Variants in CACNA1H observed in about 807,000 individuals in gnomAD.
CACNA1H encodes the protein voltage-dependent T-type calcium channel subunit alpha-1H.
In CACNA1H, 149 loss-of-function variants were observed where a neutral mutation model predicts 192.5. The observed-to-expected ratio is 0.77, with a 90% CI of 0.68 to 0.89. The LOEUF (loss-of-function observed/expected upper bound fraction) is 0.89, where lower values mean the gene tolerates loss of function less well. Among genes scored for constraint, CACNA1H ranks in the 40% least tolerant of loss-of-function variants. The pLI is 0.00. For synonymous variants in CACNA1H, 2,202 were observed against 1,475.2 expected, an observed-to-expected ratio of 1.49 and a Z score of -11.29; for missense variants, 4,257 against 3,423.5, an observed-to-expected ratio of 1.24 and a Z score of -6.08.
chr16:1,213,960 AG>A, intron 27 of CACNA1H, 29 bp downstream of exon 27: 1 of 1,582,572 alleles, frequency 6.3e-7, no homozygotes. Context: ...CGAGGGGCCC[AG>A]GGGCTGGGGC....
At chr16:1,175,909 C>T (rs141863089) in intron 2 of CACNA1H, among the ~76,000 whole-genome samples, 3 of 152,276 alleles carry the variant, frequency 2.0e-5, no homozygotes, top group South Asian at 2.1e-4. Context: ...CCCGGACCCC[C>T]AGTGCAGGCT....
chr16:1,154,950 A>C (rs949202570), intron 2 of CACNA1H, among the ~76,000 whole-genome samples: 7 of 152,112 alleles, frequency 4.6e-5, no homozygotes, highest in Non-Finnish European at 1.0e-4. Flanking sequence ...CTGAGCCGGC[A>C]GCTGGGGTGG....
rs766109928 is a variant in CACNA1H at position 1,220,995 on chromosome 16, C to T, written c.*1C>T. The T allele has an allele frequency of 7.0e-6, 11 of 1,566,204 alleles. No homozygotes were observed. The highest frequency in any genetic ancestry group is 4.8e-5 in the South Asian group (4 of 84,168). On this transcript the variant is annotated 3_prime_UTR_variant, in exon 35 of 35. Transcript: ENST00000348261. ...GGGTGGTGCAGATGACCCCGTGTAG[C>T]TCGGGGCTTGGTGCCGCCCACGGCT... is the stretch of plus-strand genomic sequence containing the variant.
chr16:1,199,568 C>G (rs916127580), intron 6 of CACNA1H, among the ~76,000 whole-genome samples: 2 of 151,136 alleles, frequency 1.3e-5, no homozygotes, highest in Non-Finnish European at 3.0e-5. Context: ...ACTTCATCCC[C>G]TCCCCACACC....
Position 1,200,431 on chromosome 16 carries a change from G to A in CACNA1H, c.979G>A (p.Ala327Thr). 1 of 1,610,434 alleles carries A rather than the reference G, an allele frequency of 6.2e-7. No homozygotes were observed. Among genetic ancestry groups the A allele is most frequent in the Non-Finnish European group, 8.5e-7 (1 of 1,179,458 alleles). ...CTGGGAGGCCTACACGCAGCCGCAG[G>A]CCGAGGGGGTGGGCGCTGCACGCAA... ...LGWEAYTQPQ[A>T]EGVGAARNAC... Residue 327 changes from alanine (A) to threonine (T), a missense_variant, in exon 7 of 35, where the codon GCC becomes ACC. By Grantham distance (58) the Ala-to-Thr change is moderately conservative (BLOSUM62 0). Transcript: ENST00000348261.
chr16:1,176,512 C>T (rs1361843814), intron 2 of CACNA1H, among the ~76,000 whole-genome samples: 1 of 152,240 alleles, frequency 6.6e-6, no homozygotes. Flanking sequence ...CTGAGGAGGC[C>T]TGGGGCCAGT....
chr16:1,166,876 C>T (rs1031288680), intron 2 of CACNA1H, among the ~76,000 whole-genome samples: 11 of 152,154 alleles, frequency 7.2e-5, no homozygotes, highest in Admixed American at 5.9e-4. Flanking sequence ...ATGGCGCTGC[C>T]GGGCCGTCCC....
chr16:1,160,597 C>T (rs1963065507), intron 2 of CACNA1H, among the ~76,000 whole-genome samples: 1 of 152,220 alleles, frequency 6.6e-6, no homozygotes, highest in Admixed American at 6.5e-5. Flanking sequence ...GGTGTGCCGC[C>T]ACGTGGCCGC....
intron 2 of CACNA1H, among the ~76,000 whole-genome samples, chr16:1,190,449 G>A (rs749474920): frequency 6.6e-6 from 1 of 152,194 alleles, no homozygotes; most frequent in Non-Finnish European, 1.5e-5. Flanking sequence ...AGCTGCCCGA[G>A]CCCCTGCTGG....
Position 1,202,238 on chromosome 16 carries a change from C to T in CACNA1H, c.1788C>T (p.Ala596=), listed in dbSNP as rs147877708. 72 of 1,560,292 alleles carry T rather than the reference C, an allele frequency of 4.6e-5. No homozygotes were observed. Among genetic ancestry groups the T allele is most frequent in the Non-Finnish European group, 5.5e-5 (64 of 1,154,028 alleles). ...QERARVAHAA[A]TAAASLRLAT... ...GGGCCCGGGTGGCACATGCCGCAGC[C>T]ACTGCCGCTGCCAGCCTCAGACTGG... The change falls in exon 9 of 35, where the codon GCC becomes GCT. Residue 596 remains alanine (A), a synonymous_variant. Coordinates refer to ENST00000348261, the MANE Select transcript of CACNA1H (RefSeq NM_021098.3).
At chr16:1,211,425 C>T (rs558697263) in intron 22 of CACNA1H, 56 bp from the exon 23 acceptor site, 57 of 1,609,662 alleles carry the variant, frequency 3.5e-5, no homozygotes, top group East Asian at 2.7e-4. Flanking sequence ...CCAGGAAGTC[C>T]GGTGTGGGGT....
chr16:1,217,563 G>A (rs1025846810), intron 31 of CACNA1H, among the ~76,000 whole-genome samples: 3 of 152,232 alleles, frequency 2.0e-5, no homozygotes, highest in Admixed American at 6.5e-5. Flanking sequence ...GGTGGGTGTG[G>A]CGTTGCCACA....
intron 2 of CACNA1H, among the ~76,000 whole-genome samples, chr16:1,164,813 G>C (rs1387227155): frequency 1.3e-5 from 2 of 152,230 alleles, no homozygotes; most frequent in Non-Finnish European, 2.9e-5. Flanking sequence ...ATGCTGCTTG[G>C]GGTGGAGGGC....
At chr16:1,181,687 G>A (rs1287221933) in intron 2 of CACNA1H, among the ~76,000 whole-genome samples, 4 of 152,242 alleles carry the variant, frequency 2.6e-5, no homozygotes, top group Non-Finnish European at 5.9e-5. Flanking sequence ...GTTAGAGGGA[G>A]CTGTCCGCGT....
rs1963867160 is a variant in CACNA1H at position 1,167,124 on chromosome 16, G to A, written c.299+13088G>A. Among the ~76,000 whole-genome samples, 1 of 152,182 alleles carries A rather than the reference G, an allele frequency of 6.6e-6. No individual in the cohort carries two copies. Among genetic ancestry groups the A allele is most frequent in the African/African-American group, 2.4e-5 (1 of 41,450 alleles). ...AGCCGGAGTCCAGGGCTGTGGGAGT[G>A]GACACGGCCCTTCCTTTCCTCGCCG... On this transcript the variant is annotated intron_variant, in intron 2 of 34. Transcript: ENST00000348261. This position sits in a 1 kb window ranked among gnomAD's most constrained non-coding sequence, Gnocchi z 4.2.
At position 1,160,274 on chromosome 16, in the gene CACNA1H, C is replaced by T. The variant is rs142630576; in HGVS notation, c.299+6238C>T. The T allele has an allele frequency of 2.6e-5, 4 of 152,370 alleles. No individual in the cohort carries two copies. The East Asian group carries it at 7.7e-4, about 29-fold the overall frequency. The allele number at this position is 152,370 out of a possible 1,614,324, so 9.4% of individuals were successfully genotyped here. A position where few individuals can be genotyped will look rare whatever the true frequency, so the allele number is the denominator to read the frequency against. On this transcript the variant is annotated intron_variant, in intron 2 of 34. Transcript: ENST00000348261. ...CGGAAGAGGAGTCTCTCCTCAGTGG[C>T]TCATGTTGGCGTAACTTGGAACAAC...
intron 2 of CACNA1H, 149 bp downstream of exon 2, chr16:1,154,185 C>T (rs1230433465): frequency 2.0e-6 from 1 of 495,160 alleles, no homozygotes; most frequent in African/African-American, 2.0e-5. Flanking sequence ...AGGGCAGGGG[C>T]TGGAGGACCG....
At chr16:1,210,281 G>A in intron 18 of CACNA1H, 89 bp from the exon 19 acceptor site, 1 of 1,286,786 alleles carries the variant, frequency 7.8e-7, no homozygotes, top group Non-Finnish European at 1.1e-6. Context: ...GGCTGAAGTG[G>A]AGGCGTGGCC....
intron 9 of CACNA1H, among the ~76,000 whole-genome samples, chr16:1,203,260 A>C (rs1968210495): frequency 2.0e-5 from 3 of 152,186 alleles, no homozygotes; most frequent in Non-Finnish European, 2.9e-5. Context: ...GCACGAAAAC[A>C]TCACAGGACG....
Sources: gnomAD v4.1 joint callset for allele counts (sites outside exome capture counted in the v4.1 genomes callset) on GRCh38, gnomAD v4.1.1 for gene constraint, Gnocchi (gnomAD v3.1) non-coding constraint, MANE v1.5 for transcripts, NCBI Gene and HGNC (gene_info 2026-07-23, HGNC 2026-07-21) for gene names.